Variants in TCF12 observed in about 807,000 individuals in gnomAD.
TCF12 encodes DNA-binding protein HTF4.
TCF12 carries 45 observed loss-of-function variants against 86.0 expected under a neutral mutation model. The ratio of observed to expected loss-of-function variants is 0.52; its 90% CI spans 0.41 to 0.67. TCF12 has a LOEUF of 0.67. TCF12 is among the 30% of genes least tolerant of loss of function. The probability of loss-of-function intolerance (pLI) is 0.00; values close to 1 mark genes in which losing one functional copy is unlikely to be tolerated. For missense variants in TCF12, 881 were observed against 859.9 expected (o/e 1.02, Z -0.31); for synonymous variants, 330 against 299.6 (o/e 1.10, Z -1.05).
At chr15:57,133,713 C>G (rs1241485093) in intron 5 of TCF12, among the ~76,000 whole-genome samples, 1 of 151,204 alleles carries the variant, frequency 6.6e-6, no homozygotes, top group East Asian at 1.9e-4. Flanking sequence ...TCCTTTTCCT[C>G]TAAGAACAAA....
At chr15:57,086,947 G>A (rs1446658392) in intron 4 of TCF12, among the ~76,000 whole-genome samples, 1 of 151,982 alleles carries the variant, frequency 6.6e-6, no homozygotes, top group African/African-American at 2.4e-5. Flanking sequence ...AAAAATTCTT[G>A]TATTTTTGAG....
At chr15:56,931,622 T>TG (rs1292675039) in intron 3 of TCF12, among the ~76,000 whole-genome samples, 1 of 152,164 alleles carries the variant, frequency 6.6e-6, no homozygotes, top group Non-Finnish European at 1.5e-5. Context: ...CCTTTTATAT[T>TG]GGTGAAAAGT....
chr15:56,988,239 C>T (rs565346645), intron 3 of TCF12, among the ~76,000 whole-genome samples: 1 of 152,120 alleles, frequency 6.6e-6, no homozygotes, highest in African/African-American at 2.4e-5. Flanking sequence ...GTGATTTGGT[C>T]ATATGAACTT....
At chr15:57,046,437 T>G (rs1369653155) in intron 3 of TCF12, among the ~76,000 whole-genome samples, 1 of 152,058 alleles carries the variant, frequency 6.6e-6, no homozygotes, top group East Asian at 1.9e-4. Flanking sequence ...GACATTGTTT[T>G]TGTTTGTTTG....
At chr15:57,237,645 AT>A (rs1202222017) in intron 12 of TCF12, among the ~76,000 whole-genome samples, 3 of 152,214 alleles carry the variant, frequency 2.0e-5, no homozygotes, top group South Asian at 2.1e-4. Flanking sequence ...CTTTACCCCC[AT>A]TTTTTTAAGT....
At chr15:57,031,915 A>G (rs2066219645) in intron 3 of TCF12, among the ~76,000 whole-genome samples, 1 of 152,164 alleles carries the variant, frequency 6.6e-6, no homozygotes, top group Admixed American at 6.5e-5. Context: ...GCAGGAACCA[A>G]AACTCTGAGG....
At chr15:57,210,061 A>G (rs2058037607) in intron 8 of TCF12, among the ~76,000 whole-genome samples, 1 of 151,978 alleles carries the variant, frequency 6.6e-6, no homozygotes, top group Non-Finnish European at 1.5e-5. Flanking sequence ...TTCCTGATGT[A>G]TTTTTCTCTA....
chr15:56,983,655 G>A (rs562162345), intron 3 of TCF12, among the ~76,000 whole-genome samples: 151 of 152,144 alleles, frequency 9.9e-4, no homozygotes, highest in Non-Finnish European at 1.5e-3. Context: ...AGGTTTTACC[G>A]TCAAATAAGT....
intron 3 of TCF12, among the ~76,000 whole-genome samples, chr15:57,011,759 C>T (rs2064845866): frequency 6.6e-6 from 1 of 152,130 alleles, no homozygotes; most frequent in African/African-American, 2.4e-5. Context: ...TCAAGAAACC[C>T]CCAGTGCCTT....
chr15:56,996,145 A>G (rs2063702755), intron 3 of TCF12, among the ~76,000 whole-genome samples: 1 of 152,192 alleles, frequency 6.6e-6, no homozygotes, highest in Admixed American at 6.5e-5. Flanking sequence ...CTACTTGATC[A>G]TGGTGAAATA....
chr15:57,157,392 G>T (rs942016795), intron 5 of TCF12, among the ~76,000 whole-genome samples: 6 of 148,226 alleles, frequency 4.0e-5, no homozygotes, highest in African/African-American at 1.5e-4. Flanking sequence ...GAAATGTGGT[G>T]ACATTAAGAA....
intron 6 of TCF12, among the ~76,000 whole-genome samples, chr15:57,176,152 C>T (rs1251102918): frequency 2.0e-5 from 3 of 152,212 alleles, no homozygotes; most frequent in South Asian, 2.1e-4. Context: ...GAGCTATAAT[C>T]GCATCATTGC....
chr15:57,109,825 G>T (rs2050372145), intron 5 of TCF12, among the ~76,000 whole-genome samples: 1 of 152,158 alleles, frequency 6.6e-6, no homozygotes, highest in Non-Finnish European at 1.5e-5. Flanking sequence ...AATCACAGTT[G>T]TATTAAGTCA....
chr15:57,044,021 A>T (rs1288433126), intron 3 of TCF12, among the ~76,000 whole-genome samples: 1 of 152,200 alleles, frequency 6.6e-6, no homozygotes, highest in African/African-American at 2.4e-5. Context: ...AACAGATAAA[A>T]GAGAAAAAGT....
At chr15:57,208,123 T>C (rs1279208841) in intron 8 of TCF12, among the ~76,000 whole-genome samples, 2 of 148,738 alleles carry the variant, frequency 1.3e-5, no homozygotes, top group East Asian at 4.0e-4. Context: ...AACTTCCACC[T>C]CCCGGGTTCA....
chr15:57,073,443 A>G (rs1226012162), intron 4 of TCF12, among the ~76,000 whole-genome samples: 4 of 152,190 alleles, frequency 2.6e-5, no homozygotes, highest in Admixed American at 6.5e-5. Flanking sequence ...ATTAATAACA[A>G]TGAAATCATA....
At chr15:57,172,871 C>T (rs2055616043) in intron 6 of TCF12, among the ~76,000 whole-genome samples, 1 of 151,568 alleles carries the variant, frequency 6.6e-6, no homozygotes, top group Non-Finnish European at 1.5e-5. Context: ...AAGGCCGATT[C>T]AGGAGGATCA....
At chr15:57,127,090 C>A (rs924064124) in intron 5 of TCF12, among the ~76,000 whole-genome samples, 2 of 150,672 alleles carry the variant, frequency 1.3e-5, no homozygotes, top group South Asian at 2.1e-4. Context: ...TCAAGAAATT[C>A]TCCTCCCTTA....
At chr15:57,028,930 T>C (rs1251823128) in intron 3 of TCF12, among the ~76,000 whole-genome samples, 2 of 152,138 alleles carry the variant, frequency 1.3e-5, no homozygotes, top group Non-Finnish European at 2.9e-5. Flanking sequence ...CCTGAGTAGC[T>C]GGAATTACAG....
Sources: gnomAD v4.1 joint callset for allele counts (sites outside exome capture counted in the v4.1 genomes callset) on GRCh38, gnomAD v4.1.1 for gene constraint, MANE v1.5 for transcripts, NCBI Gene and HGNC (gene_info 2026-07-23, HGNC 2026-07-21) for gene names.